The following TRPV1 variants were observed in gnomAD, a reference collection of about 807,000 sequenced individuals.
The protein encoded by TRPV1 is OTRPC1.
Under a neutral mutation model 82.3 loss-of-function variants are expected in TRPV1, and 82 were observed. That is an observed-to-expected ratio of 1.00 (90% CI 0.83 to 1.20). The LOEUF (loss-of-function observed/expected upper bound fraction) is 1.20. Ranked by LOEUF, TRPV1 falls within the 50% of genes most tolerant of loss-of-function variation. The probability of loss-of-function intolerance (pLI) is 0.00; values close to 1 mark genes in which losing one functional copy is unlikely to be tolerated. For synonymous variants in TRPV1, 515 were observed against 467.7 expected, an observed-to-expected ratio of 1.10 and a Z score of -1.30; for missense variants, 1,067 against 1,096.8, an observed-to-expected ratio of 0.97 and a Z score of 0.38.
chr17:3,592,518 C>A, intron 2 of TRPV1, 135 bp from the exon 3 acceptor site: 1 of 887,066 alleles, frequency 1.1e-6, no homozygotes, highest in Non-Finnish European at 1.7e-6. Flanking sequence ...CCCCAGCCCC[C>A]TAGAACTGAA....
At chr17:3,596,939 C>T (rs2075225121) in intron 2 of TRPV1, 1 of 152,354 alleles carries the variant, frequency 6.6e-6, no homozygotes, top group African/African-American at 2.4e-5. Flanking sequence ...AGGCACACCC[C>T]AGGCCCACGG....
At chr17:3,578,250 G>A (rs1316899292) in intron 11 of TRPV1, 6 of 154,648 alleles carry the variant, frequency 3.9e-5, no homozygotes, top group African/African-American at 1.4e-4. Context: ...GGAGGTTACA[G>A]TGAGCCAAGA....
At chr17:3,570,909 G>A (rs1038517580) in intron 16 of TRPV1, among the ~76,000 whole-genome samples, 1 of 152,026 alleles carries the variant, frequency 6.6e-6, no homozygotes. Flanking sequence ...TAGAGATGGG[G>A]TTTCACGATG....
At chr17:3,591,690 C>T (rs2075160517) in intron 3 of TRPV1, among the ~76,000 whole-genome samples, 1 of 152,152 alleles carries the variant, frequency 6.6e-6, no homozygotes, top group Non-Finnish European at 1.5e-5. Flanking sequence ...GTGTAGACAG[C>T]CCCTCTAAGG....
Position 3,573,962 on chromosome 17 carries a change from G to A in TRPV1, c.1781-7C>T. ...TCAATCAGCGTCACCACCGCTACAG[G>A]GCACAGGGAGGGCGGGGTGCCACTG... On this transcript the variant is annotated splice_region_variant and splice_polypyrimidine_tract_variant and intron_variant, in intron 13 of 16. Transcript: ENST00000572705. 1.9e-6 allele frequency: 3 copies of A among 1,585,262 alleles called. No individual in the cohort carries two copies. The highest frequency in any genetic ancestry group is 2.6e-6 in the Non-Finnish European group (3 of 1,168,032).
intron 16 of TRPV1, among the ~76,000 whole-genome samples, chr17:3,571,015 C>A (rs1348632305): frequency 6.6e-6 from 1 of 152,226 alleles, no homozygotes; most frequent in Non-Finnish European, 1.5e-5. Context: ...CTGTGCCCGG[C>A]CTCCTTGGGG....
intron 2 of TRPV1, among the ~76,000 whole-genome samples, chr17:3,594,846 T>G (rs1349288412): frequency 6.6e-6 from 1 of 151,880 alleles, no homozygotes; most frequent in African/African-American, 2.4e-5. Context: ...TGGTGATGGA[T>G]GAGCTGAGCC....
Position 3,577,157 on chromosome 17 carries a change from G to T in TRPV1, c.1749C>A (p.Val583=). Residue 583 remains valine (V), a synonymous_variant, in exon 13 of 17, where the codon GTC becomes GTA. Transcript: ENST00000572705. ...AAAACCCGAACAAGAAGACGATGTA[G>T]ACAAACATGAAACGGCACAGGTCTC... is the stretch of plus-strand genomic sequence containing the variant. The part of the protein sequence containing the change: ...ILRDLCRFMF[V]YIVFLFGFST... 6.3e-7 allele frequency: 1 copy of T among 1,588,374 alleles called. No individual in the cohort carries two copies. Among genetic ancestry groups the T allele is most frequent in the Non-Finnish European group, 8.6e-7 (1 of 1,167,762 alleles).
At chr17:3,571,043 T>TCC (rs1357231052) in intron 16 of TRPV1, among the ~76,000 whole-genome samples, 1 of 152,160 alleles carries the variant, frequency 6.6e-6, no homozygotes. Context: ...GCTCAAGGCA[T>TCC]CCCCTTTCTT....
chr17:3,574,389 C>A (rs1444824764), intron 13 of TRPV1, among the ~76,000 whole-genome samples: 1 of 152,222 alleles, frequency 6.6e-6, no homozygotes, highest in Admixed American at 6.5e-5. Flanking sequence ...CTGAGAGCCT[C>A]TGCAGCAGCT....
chr17:3,607,266 C>A (rs1421242695), intron 2 of TRPV1, among the ~76,000 whole-genome samples: 1 of 151,896 alleles, frequency 6.6e-6, no homozygotes, highest in East Asian at 2.0e-4. Context: ...ATTGCTTGAA[C>A]CCGGGAGGTG....
At chr17:3,602,577 T>C (rs928000470) in intron 2 of TRPV1, among the ~76,000 whole-genome samples, 2 of 152,274 alleles carry the variant, frequency 1.3e-5, no homozygotes, top group Middle Eastern at 6.8e-3. Context: ...AGGGTGGTTT[T>C]CTAAGTTCAG....
chr17:3,592,099 G>C lies in TRPV1; in HGVS notation c.252C>G (p.Ile84Met). Reference protein sequence around the residue: ...PTITVSPVITIQRPGDGPTGA... With the variant: ...PTITVSPVITMQRPGDGPTGA... Reference sequence around the variant, plus strand: ...CGGTGGGGCCGTCTCCTGGCCTCTGGATGGTGATAACAGGGCTGACTGTGA... The same window carrying C: ...CGGTGGGGCCGTCTCCTGGCCTCTGCATGGTGATAACAGGGCTGACTGTGA... Residue 84 changes from isoleucine to methionine, a missense_variant, in exon 3 of 17, where the codon ATC (isoleucine) becomes ATG (methionine). Coordinates refer to ENST00000572705, the MANE Select transcript of TRPV1 (RefSeq NM_080704.4). 6.2e-7 allele frequency: 1 copy of C among 1,613,792 alleles called. No homozygotes were observed. Among genetic ancestry groups the C allele is most frequent in the South Asian group, 1.1e-5 (1 of 91,068 alleles).
rs773476720 is a variant in TRPV1, at chr17:3,588,303, A to T, written c.1109T>A (p.Phe370Tyr). 3.8e-6 allele frequency: 6 copies of T among 1,573,212 alleles called. No homozygotes were observed. In the South Asian group the frequency reaches 7.0e-5, roughly 18 times the overall value. Residue 370 changes from phenylalanine (F) to tyrosine (Y), a missense_variant, in exon 8 of 17, where the codon TTC becomes TAC. By Grantham distance (22) the Phe-to-Tyr change is conservative. Transcript: ENST00000572705. ...EPECRHLSRKFTEWAYGPVHS... is the reference protein window; with the variant it reads ...EPECRHLSRKYTEWAYGPVHS... ...CACGGGCCCGTAGGCCCACTCGGTG[A>T]ACTTCCTGGACAGGTGCCTGCACTC...
In TRPV1 at chr17:3,566,921, C is replaced by T. The variant is rs370922751; in HGVS notation, c.2414G>A (p.Arg805Lys). 6.2e-7 allele frequency: 1 copy of T among 1,613,980 alleles called. No homozygotes were observed. The highest frequency in any genetic ancestry group is 8.5e-7 in the Non-Finnish European group (1 of 1,179,884). The change falls in exon 17 of 17, where the codon AGG (arginine) becomes AAG (lysine). Residue 805 changes from arginine to lysine, a missense_variant. Transcript: ENST00000572705. The stretch of plus-strand genomic sequence containing the variant: ...AACTTCCTCGGGCTGAGCAGACTGC[C>T]TATCTCGAGCACTTGCCTCTCTTAA... ...PLLREASARD[R>K]QSAQPEEVYL... is the part of the protein sequence containing the mutation.
intron 16 of TRPV1, 58 bp downstream of exon 16, chr17:3,571,466 C>CT: frequency 7.2e-7 from 1 of 1,394,710 alleles, no homozygotes; most frequent in East Asian, 2.5e-5. Context: ...AAAGCTCCCC[C>CT]TGCCCAACAT....
chr17:3,586,994 A>G (rs1182869498), intron 8 of TRPV1, among the ~76,000 whole-genome samples: 1 of 152,148 alleles, frequency 6.6e-6, no homozygotes, highest in East Asian at 1.9e-4. Flanking sequence ...CCTGTAGGGA[A>G]TACCTCTTCT....
At position 3,582,189 on chromosome 17, in the gene TRPV1, C is replaced by CAAAAAAAAAAAAAAAAAAAA. The variant is rs71153376; in HGVS notation, c.1476+1129_1476+1148dup. On this transcript the variant is annotated intron_variant, in intron 10 of 16. Coordinates refer to ENST00000572705, the MANE Select transcript of TRPV1 (RefSeq NM_080704.4). ...TGGGCGAAAGAGTGAGACTCCATCTCAAAAAAAAAAAAAAAAAAAAAAAAA... is the reference window on the plus strand; with the variant it reads ...TGGGCGAAAGAGTGAGACTCCATCTCAAAAAAAAAAAAAAAAAAAAAAAAAAAAAAAAAAAAAAAAAAAAA... Among the ~76,000 whole-genome samples the CAAAAAAAAAAAAAAAAAAAA allele has an allele frequency of 4.6e-4, 12 of 25,912 alleles. 1 individual carries two copies. The highest frequency in any genetic ancestry group is 8.1e-4 in the Non-Finnish European group (11 of 13,638). 17.0% of individuals were successfully genotyped at this position (25,912 alleles called of 152,430 possible).
At chr17:3,593,758 T>C (rs1449482953) in intron 2 of TRPV1, among the ~76,000 whole-genome samples, 1 of 152,144 alleles carries the variant, frequency 6.6e-6, no homozygotes, top group Non-Finnish European at 1.5e-5. Flanking sequence ...TTGCTATCTG[T>C]CACTGATTTA....
Sources: allele counts gnomAD v4.1 joint callset (sites outside exome capture counted in the v4.1 genomes callset), GRCh38; gene constraint gnomAD v4.1.1; transcripts MANE v1.5; gene names NCBI Gene and HGNC (gene_info 2026-07-23, HGNC 2026-07-21).